Variants in ESRRG observed in about 807,000 individuals in gnomAD.
ESRRG encodes estrogen related receptor gamma, also known as estrogen-related receptor gamma.
ESRRG carries 13 observed loss-of-function variants against 44.0 expected under a neutral mutation model. The observed-to-expected ratio is 0.30, with a 90% confidence interval of 0.19 to 0.47. ESRRG has a LOEUF of 0.47. Ranked by LOEUF, ESRRG falls within the 20% of genes least tolerant of loss-of-function variation. The pLI is 1.00. For missense variants in ESRRG, 395 were observed against 580.6 expected, an observed-to-expected ratio of 0.68 and a Z score of 3.29; for synonymous variants, 215 against 214.6, an observed-to-expected ratio of 1.00 and a Z score of -0.02.
intron 1 of ESRRG, among the ~76,000 whole-genome samples, chr1:216,943,796 T>C (rs1289417849): frequency 6.6e-6 from 1 of 152,180 alleles, no homozygotes; most frequent in Non-Finnish European, 1.5e-5. Flanking sequence ...CTAGATCCCC[T>C]ACCATACGTT....
intron 2 of ESRRG, among the ~76,000 whole-genome samples, chr1:216,934,053 C>T (rs17044372): frequency 0.12 from 18,270 of 152,172 alleles, 1,158 homozygotes; most frequent in East Asian, 0.19. Flanking sequence ...TTATTATTGA[C>T]TATTTTGTGT....
intron 2 of ESRRG, among the ~76,000 whole-genome samples, chr1:216,888,274 G>A (rs2057310739): frequency 6.6e-6 from 1 of 151,976 alleles, no homozygotes; most frequent in Admixed American, 6.6e-5. Flanking sequence ...TCCAATTCTG[G>A]GCTTCCTTTT....
intron 1 of ESRRG, among the ~76,000 whole-genome samples, chr1:217,021,660 C>T (rs1278645401): frequency 2.0e-5 from 3 of 152,162 alleles, no homozygotes; most frequent in African/African-American, 7.2e-5. Context: ...CAGAGAGTTA[C>T]AGCACATTGA....
At chr1:217,009,702 C>CTTTTTTTTTTTTTTTT (rs11325118) in intron 1 of ESRRG, among the ~76,000 whole-genome samples, 1 of 106,386 alleles carries the variant, frequency 9.4e-6, no homozygotes, top group Non-Finnish European at 1.9e-5. Context: ...TTTTCTTTTT[C>CTTTTTTTTTTTTTTTT]TTTTTTTTTT....
intron 2 of ESRRG, among the ~76,000 whole-genome samples, chr1:216,798,369 T>C (rs2094529000): frequency 6.6e-6 from 1 of 152,106 alleles, no homozygotes; most frequent in Non-Finnish European, 1.5e-5. Flanking sequence ...CAAATTCCAC[T>C]ATAAGTAAGA....
At chr1:217,100,939 C>T (rs2151567195) in intron 1 of ESRRG, among the ~76,000 whole-genome samples, 1 of 152,328 alleles carries the variant, frequency 6.6e-6, no homozygotes, top group East Asian at 1.9e-4. Flanking sequence ...ATTAGTCTTC[C>T]TCTACTTTAT....
chr1:216,579,481 G>A (rs115640238), intron 3 of ESRRG, among the ~76,000 whole-genome samples: 1,775 of 152,262 alleles, frequency 0.012, 37 homozygotes, highest in African/African-American at 0.04. Context: ...TATTGTACAT[G>A]TGAAGTAGGG....
At chr1:216,890,604 C>T (rs1170811920) in intron 2 of ESRRG, among the ~76,000 whole-genome samples, 5 of 152,144 alleles carry the variant, frequency 3.3e-5, no homozygotes, top group Admixed American at 2.6e-4. Flanking sequence ...TTACAGTGAA[C>T]ATTTATTGAG....
intron 2 of ESRRG, among the ~76,000 whole-genome samples, chr1:216,777,423 C>T (rs982331239): frequency 6.6e-6 from 1 of 152,154 alleles, no homozygotes. Context: ...TATTTATGAT[C>T]TCATATCACA....
At chr1:216,752,420 AC>A (rs1427729100) in intron 2 of ESRRG, among the ~76,000 whole-genome samples, 15 of 151,996 alleles carry the variant, frequency 9.9e-5, no homozygotes, top group Admixed American at 5.3e-4. Flanking sequence ...CCTCTAAAGA[AC>A]AAAAAATAAA....
At chr1:217,058,635 A>G (rs373380640) in intron 1 of ESRRG, among the ~76,000 whole-genome samples, 1 of 152,148 alleles carries the variant, frequency 6.6e-6, no homozygotes, top group African/African-American at 2.4e-5. Flanking sequence ...TAATGTTTTC[A>G]ATAACCACAT....
intron 1 of ESRRG, among the ~76,000 whole-genome samples, chr1:216,716,362 C>T (rs761199655): frequency 6.6e-6 from 1 of 151,992 alleles, no homozygotes; most frequent in African/African-American, 2.4e-5. Flanking sequence ...TACATTTATA[C>T]TAGCCATCAA....
At chr1:216,583,211 C>A (rs1328591478) in intron 3 of ESRRG, among the ~76,000 whole-genome samples, 4 of 152,170 alleles carry the variant, frequency 2.6e-5, no homozygotes, top group African/African-American at 9.7e-5. Flanking sequence ...GGATGGCCAG[C>A]AATATATCCT....
At chr1:217,123,632 C>T (rs548917163) in intron 1 of ESRRG, among the ~76,000 whole-genome samples, 1 of 152,208 alleles carries the variant, frequency 6.6e-6, no homozygotes, top group South Asian at 2.1e-4. Context: ...AAGCCATTAT[C>T]CTCAGCAAAC....
chr1:216,860,282 A>G (rs1053356979), intron 2 of ESRRG, among the ~76,000 whole-genome samples: 2 of 152,142 alleles, frequency 1.3e-5, no homozygotes, highest in African/African-American at 4.8e-5. Context: ...AAATACATAC[A>G]TAAAATAAGA....
intron 2 of ESRRG, among the ~76,000 whole-genome samples, chr1:216,832,618 A>G (rs546084522): frequency 6.6e-6 from 1 of 152,232 alleles, no homozygotes; most frequent in Non-Finnish European, 1.5e-5. Flanking sequence ...CACCCAACTC[A>G]CCAAAGTCTG....
At chr1:216,731,079 T>C (rs968396739) in intron 2 of ESRRG, among the ~76,000 whole-genome samples, 7 of 152,224 alleles carry the variant, frequency 4.6e-5, no homozygotes, top group Admixed American at 4.6e-4. Flanking sequence ...CATGGAAACA[T>C]ATTCTCATTT....
At chr1:216,796,420 C>A (rs1421309817) in intron 2 of ESRRG, among the ~76,000 whole-genome samples, 1 of 152,100 alleles carries the variant, frequency 6.6e-6, no homozygotes, top group Non-Finnish European at 1.5e-5. Context: ...ACAACAATAG[C>A]AAAACTGGCT....
chr1:216,909,079 T>C (rs1165940451), intron 2 of ESRRG, among the ~76,000 whole-genome samples: 1 of 151,912 alleles, frequency 6.6e-6, no homozygotes, highest in African/African-American at 2.4e-5. Flanking sequence ...GGGTAGAAAT[T>C]CTGAGAAACA....
Sources: allele counts gnomAD v4.1 joint callset (sites outside exome capture counted in the v4.1 genomes callset), GRCh38; gene constraint gnomAD v4.1.1; transcripts MANE v1.5; gene names NCBI Gene and HGNC (gene_info 2026-07-23, HGNC 2026-07-21).